The following NCF2 variants were observed in gnomAD, a reference collection of about 807,000 sequenced individuals.
NCF2 encodes the protein neutrophil cytosol factor 2.
Under a neutral mutation model 70.9 loss-of-function variants are expected in NCF2, and 45 were observed. The ratio of observed to expected loss-of-function variants is 0.63; its 90% CI spans 0.50 to 0.81. The LOEUF (loss-of-function observed/expected upper bound fraction) is 0.81. NCF2 is among the 40% of genes least tolerant of loss of function. The pLI, the probability that NCF2 is intolerant of heterozygous loss-of-function variation, is 0.00. For synonymous variants in NCF2, 203 were observed against 233.6 expected, an observed-to-expected ratio of 0.87 and a Z score of 1.19; for missense variants, 522 against 631.6, an observed-to-expected ratio of 0.83 and a Z score of 1.86.
intron 1 of NCF2, 94 bp from the exon 2 acceptor site, chr1:183,587,071 G>T (rs1673388432): frequency 8.4e-7 from 1 of 1,196,300 alleles, no homozygotes; most frequent in Non-Finnish European, 1.2e-6. Flanking sequence ...TCCCTGTGGT[G>T]CCCAGCTCTG....
the NCF2 span, among the ~76,000 whole-genome samples, chr1:183,599,452 T>TTC: frequency 5.2e-5 from 7 of 133,566 alleles, 1 homozygote; most frequent in African/African-American, 2.1e-4. Context: ...CTTTCTTTCT[T>TTC]TCTTTCTTTC....
At chr1:183,597,913 C>A in the NCF2 span, 1 of 152,234 alleles carries the variant, frequency 6.6e-6, no homozygotes, top group Non-Finnish European at 1.5e-5. Context: ...GGATGGTAGG[C>A]CCTGTGGCCA....
chr1:183,590,096 G>A, intron 1 of NCF2, 60 bp downstream of exon 1: 2 of 1,608,690 alleles, frequency 1.2e-6, no homozygotes, highest in Non-Finnish European at 1.7e-6. Flanking sequence ...AATGCAATGG[G>A]GTTGAGAATC....
At chr1:183,580,793 A>G (rs1673023457) in intron 2 of NCF2, among the ~76,000 whole-genome samples, 1 of 152,150 alleles carries the variant, frequency 6.6e-6, no homozygotes, top group African/African-American at 2.4e-5. Flanking sequence ...CCTGGCCAAC[A>G]TGGTGAAACC....
At chr1:183,586,766 C>A (rs1451044943) in intron 2 of NCF2, 129 bp downstream of exon 2, 1 of 845,098 alleles carries the variant, frequency 1.2e-6, no homozygotes, top group East Asian at 2.5e-5. Context: ...CATAACTGTC[C>A]CCAGAAGGGC....
Position 183,556,067 on chromosome 1 carries a change from A to G in NCF2, c.*51T>C, listed in dbSNP as rs1181758952. 6.7e-7 allele frequency: 1 copy of G among 1,485,256 alleles called. No individual in the cohort carries two copies. Among genetic ancestry groups the G allele is most frequent in the Admixed American group, 1.7e-5 (1 of 59,740 alleles). The allele number at this position is 1,485,256 out of a possible 1,614,324, so 92.0% of individuals were successfully genotyped here. A position where few individuals can be genotyped will look rare whatever the true frequency, so the allele number is the denominator to read the frequency against. Reference sequence around the variant, plus strand: ...ACAGCAGAAGGGTGCTAAATCTTACAAACAAGTAATAGGGCTTCATTTTCT... The same window carrying G: ...ACAGCAGAAGGGTGCTAAATCTTACGAACAAGTAATAGGGCTTCATTTTCT... On this transcript the variant is annotated 3_prime_UTR_variant, in exon 15 of 15. Coordinates refer to ENST00000367535, the MANE Select transcript of NCF2 (RefSeq NM_000433.4).
intron 14 of NCF2, among the ~76,000 whole-genome samples, chr1:183,557,738 T>G (rs938448113): frequency 2.6e-5 from 4 of 152,174 alleles, no homozygotes; most frequent in Admixed American, 2.6e-4. Flanking sequence ...TCCTGCTCCC[T>G]CTCCCAAACT....
chr1:183,575,279 G>A (rs1672750407), intron 3 of NCF2, among the ~76,000 whole-genome samples: 1 of 152,228 alleles, frequency 6.6e-6, no homozygotes, highest in South Asian at 2.1e-4. Flanking sequence ...AGATCAGCCT[G>A]GCCAACATGG....
At chr1:183,565,667 G>A in intron 10 of NCF2, 37 bp downstream of exon 10, 1 of 1,595,818 alleles carries the variant, frequency 6.3e-7, no homozygotes, top group Non-Finnish European at 8.6e-7. Flanking sequence ...GCATGCTGCT[G>A]CACCCAGACC....
upstream of NCF2, among the ~76,000 whole-genome samples, chr1:183,591,903 T>C (rs1318541684): frequency 6.6e-6 from 1 of 152,120 alleles, no homozygotes; most frequent in African/African-American, 2.4e-5. Context: ...CAGTGAAAAA[T>C]TGAAGAGATG....
At chr1:183,597,412 G>T in the NCF2 span, among the ~76,000 whole-genome samples, 1 of 152,264 alleles carries the variant, frequency 6.6e-6, no homozygotes, top group South Asian at 2.1e-4. Flanking sequence ...ACAAAAAAGC[G>T]GAGGGGGCAC....
At chr1:183,584,616 C>A (rs1049284295) in intron 2 of NCF2, among the ~76,000 whole-genome samples, 4 of 152,144 alleles carry the variant, frequency 2.6e-5, no homozygotes, top group Admixed American at 6.5e-5. Flanking sequence ...CCAGTTGTAT[C>A]TCTTCTTTAT....
At chr1:183,562,834 A>AAG (rs1672126871) in intron 13 of NCF2, among the ~76,000 whole-genome samples, 1 of 151,958 alleles carries the variant, frequency 6.6e-6, no homozygotes, top group South Asian at 2.1e-4. Flanking sequence ...AAAAAAAAAA[A>AAG]AAAAAGGTGA....
At chr1:183,565,925 G>C (rs1328374176) in intron 9 of NCF2, 146 bp from the exon 10 acceptor site, 1 of 792,290 alleles carries the variant, frequency 1.3e-6, no homozygotes, top group Non-Finnish European at 2.1e-6. Context: ...GTGACATTTG[G>C]GGAAGACGAA....
At chr1:183,577,729 T>C (rs1406299272) in intron 2 of NCF2, 22 bp from the exon 3 acceptor site, 2 of 1,497,794 alleles carry the variant, frequency 1.3e-6, no homozygotes, top group Non-Finnish European at 9.3e-7. Flanking sequence ...AGGGAGAAAA[T>C]ACAGCAGTCT....
At chr1:183,567,050 A>G (rs1331011415) in intron 8 of NCF2, 62 bp from the exon 9 acceptor site, 1 of 1,609,734 alleles carries the variant, frequency 6.2e-7, no homozygotes, top group East Asian at 2.2e-5. Flanking sequence ...CAGTACCCAC[A>G]CCACAGAACA....
intron 4 of NCF2, among the ~76,000 whole-genome samples, chr1:183,574,267 C>G (rs1241430100): frequency 6.6e-6 from 1 of 152,192 alleles, no homozygotes; most frequent in Non-Finnish European, 1.5e-5. Flanking sequence ...AGCCCCACTC[C>G]AAGGGTGGTG....
At chr1:183,587,047 C>T (rs1673387424) in intron 1 of NCF2, 70 bp from the exon 2 acceptor site, 15 of 1,426,396 alleles carry the variant, frequency 1.1e-5, no homozygotes, top group Middle Eastern at 1.8e-4. Flanking sequence ...AGCCACGGCT[C>T]ACAGAGCCCT....
intron 9 of NCF2, among the ~76,000 whole-genome samples, chr1:183,566,412 T>A (rs994559415): frequency 8.5e-5 from 13 of 152,326 alleles, no homozygotes; most frequent in Non-Finnish European, 1.8e-4. Flanking sequence ...CTCATTTTAT[T>A]ATTTTTATTT....
Sources: allele counts gnomAD v4.1 joint callset (sites outside exome capture counted in the v4.1 genomes callset), GRCh38; gene constraint gnomAD v4.1.1; transcripts MANE v1.5; gene names NCBI Gene and HGNC (gene_info 2026-07-23, HGNC 2026-07-21).